Variants in NDUFA3 observed in about 807,000 individuals in gnomAD.
The protein encoded by NDUFA3 is NADH:ubiquinone oxidoreductase subunit A3.
In NDUFA3, 10 loss-of-function variants were observed where a neutral mutation model predicts 11.4. That is an observed-to-expected ratio of 0.87 (90% CI 0.54 to 1.48). The LOEUF (loss-of-function observed/expected upper bound fraction) is 1.48. Among genes scored for constraint, NDUFA3 ranks in the 40% most tolerant of loss-of-function variants. NDUFA3 has a pLI of 0.00. For missense variants in NDUFA3, 115 were observed against 110.5 expected, an observed-to-expected ratio of 1.04 and a Z score of -0.18; for synonymous variants, 39 against 46.9, an observed-to-expected ratio of 0.83 and a Z score of 0.68.
Position 54,102,901 on chromosome 19 carries a change from G to C in NDUFA3, c.10+13G>C. On this transcript the variant is annotated intron_variant, in intron 1 of 3. Coordinates refer to ENST00000485876, the MANE Select transcript of NDUFA3 (RefSeq NM_004542.4). ...AAGATGGCTGCGAGTAAGTGCAGGTGCCGGTGGCGCACGGGGCTCGGGTAG... is the reference window on the plus strand; with the variant it reads ...AAGATGGCTGCGAGTAAGTGCAGGTCCCGGTGGCGCACGGGGCTCGGGTAG... The C allele has an allele frequency of 6.2e-7, 1 of 1,609,594 alleles. No individual in the cohort carries two copies. Among genetic ancestry groups the C allele is most frequent in the South Asian group, 1.1e-5 (1 of 90,602 alleles).
At chr19:54,105,067 G>C (rs1568558084) in intron 2 of NDUFA3, among the ~76,000 whole-genome samples, 2 of 151,940 alleles carry the variant, frequency 1.3e-5, no homozygotes, top group Non-Finnish European at 2.9e-5. Flanking sequence ...TGTTTCATCT[G>C]TATCTCTTAT....
chr19:54,106,697 C>T lies in NDUFA3; in HGVS notation c.164-114C>T, dbSNP rs254265. On this transcript the variant is annotated intron_variant, in intron 3 of 3. Coordinates refer to ENST00000485876, the MANE Select transcript of NDUFA3 (RefSeq NM_004542.4). ...TGCATCACTGATTCTCTGACCCTTC[C>T]CCTCTCACCCCTGGGGTCCCCCTTC... The T allele has an allele frequency of 2.4e-4, 183 of 773,184 alleles. 1 individual carries two copies. In the African/African-American group the frequency reaches 2.8e-3, roughly 12 times the overall value. The allele number at this position is 773,184 out of a possible 1,614,324, so 47.9% of individuals were successfully genotyped here.
chr19:54,106,640 G>T (rs2073269867), intron 3 of NDUFA3, 171 bp from the exon 4 acceptor site: 1 of 528,082 alleles, frequency 1.9e-6, no homozygotes, highest in Non-Finnish European at 3.3e-6. Context: ...GGTTTTCCGT[G>T]TCTCTCAGTC....
rs775117953 is a variant in NDUFA3 at position 54,107,091 on chromosome 19, G to A, written c.*189G>A. On this transcript the variant is annotated 3_prime_UTR_variant, in exon 4 of 4. Coordinates refer to ENST00000485876, the MANE Select transcript of NDUFA3 (RefSeq NM_004542.4). ...CTGGCCAGGGTCGGGTAGGGCAGCA[G>A]TTTGTCTGGACCCCGAGAAACCCAA... 9 of 1,613,854 alleles carry A rather than the reference G, an allele frequency of 5.6e-6. No homozygotes were observed. Among genetic ancestry groups the A allele is most frequent in the African/African-American group, 1.3e-5 (1 of 74,884 alleles).
rs777413103 is a variant in NDUFA3 at position 54,105,961 on chromosome 19, A to G, written c.113A>G (p.Tyr38Cys). The change falls in exon 3 of 4, where the codon TAC (tyrosine) becomes TGC (cysteine). Residue 38 changes from tyrosine (Y) to cysteine (C), a missense_variant. By Grantham distance (194) the Tyr-to-Cys change is radical. Coordinates refer to ENST00000485876, the MANE Select transcript of NDUFA3 (RefSeq NM_004542.4). ...LAVILPPLSP[Y>C]FKYSVMINKA... ...GTAATTCTGCCCCCATTGAGCCCCTACTTCAAGTACTCCGTCATGATCAAC... is the reference window on the plus strand; with the variant it reads ...GTAATTCTGCCCCCATTGAGCCCCTGCTTCAAGTACTCCGTCATGATCAAC... 1 of 1,613,430 alleles carries G rather than the reference A, an allele frequency of 6.2e-7. No homozygotes were observed. The highest frequency in any genetic ancestry group is 8.5e-7 in the Non-Finnish European group (1 of 1,179,750).
At chr19:54,103,297 T>C in intron 2 of NDUFA3, 109 bp downstream of exon 2, 4 of 1,107,516 alleles carry the variant, frequency 3.6e-6, no homozygotes, top group Non-Finnish European at 5.0e-6. Flanking sequence ...CCCTCTAGTG[T>C]GTCTGCACCC....
chr19:54,105,264 C>CTTTTTTTTTTTTTTT (rs796770972), intron 2 of NDUFA3, among the ~76,000 whole-genome samples: 714 of 71,208 alleles, frequency 0.01, 102 homozygotes, highest in Admixed American at 0.012. Context: ...GTTTGTAAGG[C>CTTTTTTTTTTTTTTT]TTTTTTTTTT....
chr19:54,105,349 A>G (rs1174299811), intron 2 of NDUFA3, among the ~76,000 whole-genome samples: 1 of 141,942 alleles, frequency 7.0e-6, no homozygotes, highest in Non-Finnish European at 1.5e-5. Flanking sequence ...GCTCACTGCA[A>G]CCTCTGCCTC....
chr19:54,106,191 T>G, intron 3 of NDUFA3, 180 bp downstream of exon 3: 1 of 641,062 alleles, frequency 1.6e-6, no homozygotes, highest in Non-Finnish European at 2.6e-6. Context: ...TGTTTGTGCT[T>G]CGTTTTTGTT....
intron 3 of NDUFA3, chr19:54,106,447 G>A (rs1274557902): frequency 8.5e-6 from 3 of 352,548 alleles, no homozygotes; most frequent in Non-Finnish European, 1.5e-5. Context: ...GGGATTACAG[G>A]TGTGAGCCAC....
intron 3 of NDUFA3, 96 bp from the exon 4 acceptor site, chr19:54,106,715 C>A: frequency 9.6e-7 from 1 of 1,041,042 alleles, no homozygotes. Context: ...CCCCTGGGGT[C>A]CCCCTTCCCT....
In NDUFA3 at chr19:54,107,061, C is replaced by A. The variant is rs151148202; in HGVS notation, c.*159C>A. The A allele has an allele frequency of 6.2e-6, 10 of 1,613,598 alleles. No homozygotes were observed. In the African/African-American group the frequency reaches 1.3e-4, roughly 22 times the overall value. ...TTATTGGGCATGCGTCAGTCAGAGGCTGGGCTGGCCAGGGTCGGGTAGGGC... is the reference window on the plus strand; with the variant it reads ...TTATTGGGCATGCGTCAGTCAGAGGATGGGCTGGCCAGGGTCGGGTAGGGC... On this transcript the variant is annotated 3_prime_UTR_variant, in exon 4 of 4. Transcript: ENST00000485876.
At chr19:54,106,652 C>G in intron 3 of NDUFA3, 159 bp from the exon 4 acceptor site, 1 of 569,962 alleles carries the variant, frequency 1.8e-6, no homozygotes, top group Non-Finnish European at 3.0e-6. Context: ...CTCTCAGTCT[C>G]TGTATTTCCC....
chr19:54,106,984 T>G lies in NDUFA3; in HGVS notation c.*82T>G, dbSNP rs2073282982. ...CAACCCCCGAACGTGAGCATGTGTG[T>G]GATCAGAGGTGGGAACAAGTAGACG... On this transcript the variant is annotated 3_prime_UTR_variant, in exon 4 of 4. Coordinates refer to ENST00000485876, the MANE Select transcript of NDUFA3 (RefSeq NM_004542.4). 2.5e-6 allele frequency: 4 copies of G among 1,602,054 alleles called. No homozygotes were observed. The highest frequency in any genetic ancestry group is 3.4e-6 in the Non-Finnish European group (4 of 1,172,780).
rs2073297607 is a variant in NDUFA3, at chr19:54,107,283, CTG to C, written c.*383_*384del. 6.9e-7 allele frequency: 1 copy of C among 1,439,750 alleles called. No homozygotes were observed. Among genetic ancestry groups the C allele is most frequent in the Non-Finnish European group, 9.4e-7 (1 of 1,063,384 alleles). The allele number at this position is 1,439,750 out of a possible 1,614,324, so 89.2% of individuals were successfully genotyped here. On this transcript the variant is annotated 3_prime_UTR_variant, in exon 4 of 4. Transcript: ENST00000485876. The stretch of plus-strand genomic sequence containing the variant: ...CTTTTTAAAGAGACAGGGTCTCACT[CTG>C]TTGCCCAGGCTGGAGTGCAGTGGTG...
intron 2 of NDUFA3, among the ~76,000 whole-genome samples, chr19:54,105,441 G>C (rs766823086): frequency 2.0e-5 from 3 of 151,186 alleles, no homozygotes; most frequent in Non-Finnish European, 4.4e-5. Context: ...GCTAATTTTC[G>C]TATCTTTAGT....
At chr19:54,104,135 C>CTT (rs58827171) in intron 2 of NDUFA3, among the ~76,000 whole-genome samples, 11 of 88,620 alleles carry the variant, frequency 1.2e-4, no homozygotes, top group East Asian at 6.1e-4. Flanking sequence ...GCCCGGCCAG[C>CTT]TTTTTTTTTT....
In NDUFA3 at chr19:54,107,297, G is replaced by A. The variant is rs1273072028; in HGVS notation, c.*395G>A. On this transcript the variant is annotated 3_prime_UTR_variant, in exon 4 of 4. Coordinates refer to ENST00000485876, the MANE Select transcript of NDUFA3 (RefSeq NM_004542.4). ...AGGGTCTCACTCTGTTGCCCAGGCT[G>A]GAGTGCAGTGGTGCCATCATAGTTC... is the stretch of plus-strand genomic sequence containing the variant. 1.1e-5 allele frequency: 14 copies of A among 1,258,422 alleles called. No individual in the cohort carries two copies. The highest frequency in any genetic ancestry group is 1.4e-5 in the Non-Finnish European group (13 of 906,098). 78.0% of individuals were successfully genotyped at this position (1,258,422 alleles called of 1,614,324 possible). A position where few individuals can be genotyped will look rare whatever the true frequency, so the allele number is the denominator to read the frequency against.
Position 54,107,246 on chromosome 19 carries a change from C to T in NDUFA3, c.*344C>T. 1 of 1,565,834 alleles carries T rather than the reference C, an allele frequency of 6.4e-7. No individual in the cohort carries two copies. Among genetic ancestry groups the T allele is most frequent in the East Asian group, 2.3e-5 (1 of 44,366 alleles). ...CCATCAGCTTCACCATTTTTGTTTT[C>T]ATTTTGTTTTGCTTTTTAAAGAGAC... On this transcript the variant is annotated 3_prime_UTR_variant, in exon 4 of 4. Transcript: ENST00000485876.
Sources: allele counts gnomAD v4.1 joint callset (sites outside exome capture counted in the v4.1 genomes callset), GRCh38; gene constraint gnomAD v4.1.1; transcripts MANE v1.5; gene names NCBI Gene and HGNC (gene_info 2026-07-23, HGNC 2026-07-21).